Variants in KCNQ1 observed in about 807,000 individuals in gnomAD.
KCNQ1 encodes potassium voltage-gated channel subfamily KQT member 1.
Under a neutral mutation model 72.4 loss-of-function variants are expected in KCNQ1, and 49 were observed. The ratio of observed to expected loss-of-function variants is 0.68; its 90% CI spans 0.54 to 0.86. The LOEUF is 0.86. KCNQ1 is among the 40% of genes least tolerant of loss of function. The pLI, the probability that KCNQ1 is intolerant of heterozygous loss-of-function variation, is 0.00. For synonymous variants in KCNQ1, 450 were observed against 412.6 expected, an observed-to-expected ratio of 1.09 and a Z score of -1.10; for missense variants, 790 against 945.1, an observed-to-expected ratio of 0.84 and a Z score of 2.15.
rs1846501474 is a variant in KCNQ1, at chr11:2,766,571, A to G, written c.1515-2273A>G. On this transcript the variant is annotated intron_variant, in intron 11 of 15. Transcript: ENST00000155840. The surrounding 1 kb of genome is among the most constrained non-coding windows in gnomAD (Gnocchi z 4.4). ...ACTCTAGCCTGCAATGGGAGGAACCACAATGGATTGTGCCCATCTTTAATT... is the reference window on the plus strand; with the variant it reads ...ACTCTAGCCTGCAATGGGAGGAACCGCAATGGATTGTGCCCATCTTTAATT... Among the ~76,000 whole-genome samples, 1 of 152,202 alleles carries G rather than the reference A, an allele frequency of 6.6e-6. No individual in the cohort carries two copies. The highest frequency in any genetic ancestry group is 2.1e-4 in the South Asian group (1 of 4,830).
intron 1 of KCNQ1, among the ~76,000 whole-genome samples, chr11:2,469,035 C>T (rs370786179): frequency 3.9e-5 from 6 of 152,154 alleles, no homozygotes; most frequent in Non-Finnish European, 5.9e-5. Flanking sequence ...CCAGCAGCTC[C>T]GTGCGACAGC....
At chr11:2,814,280 GGGATGGAT>G (rs375570048) in intron 15 of KCNQ1, among the ~76,000 whole-genome samples, 71 of 138,344 alleles carry the variant, frequency 5.1e-4, no homozygotes, top group African/African-American at 1.7e-3. Context: ...GATGGATGGT[GGGATGGAT>G]GGATGGATGG....
chr11:2,459,178 G>A (rs549326544), intron 1 of KCNQ1, among the ~76,000 whole-genome samples: 59 of 152,308 alleles, frequency 3.9e-4, no homozygotes, highest in Non-Finnish European at 6.3e-4. Context: ...AACGAGAGAC[G>A]GACTTCCTTG....
Position 2,745,805 on chromosome 11 carries a change from G to A in KCNQ1, c.1515-23039G>A, listed in dbSNP as rs1005632518. Among the ~76,000 whole-genome samples, 2 of 152,242 alleles carry A rather than the reference G, an allele frequency of 1.3e-5. No homozygotes were observed. ...AGGGCCGCCTTCAGGCCTGAGCCCG[G>A]GGCCAGGACCAGGAGCAGGCGGCAG... On this transcript the variant is annotated intron_variant, in intron 11 of 15. Transcript: ENST00000155840. The surrounding 1 kb of genome is among the most constrained non-coding windows in gnomAD (Gnocchi z 6.2).
intron 1 of KCNQ1, among the ~76,000 whole-genome samples, chr11:2,505,900 A>G (rs1053887662): frequency 1.3e-5 from 2 of 152,204 alleles, no homozygotes; most frequent in African/African-American, 4.8e-5. Flanking sequence ...TCTAGTAGAC[A>G]GCATGTAGCT....
intron 11 of KCNQ1, among the ~76,000 whole-genome samples, chr11:2,701,171 C>T (rs974544812): frequency 1.3e-5 from 2 of 152,222 alleles, no homozygotes; most frequent in African/African-American, 2.4e-5. Context: ...CGAAAATATA[C>T]GTCTACGGGA....
Position 2,593,339 on chromosome 11 carries a change from A to G in KCNQ1, c.1393+4485A>G, listed in dbSNP as rs1848694048. On this transcript the variant is annotated intron_variant, in intron 10 of 15. Transcript: ENST00000155840. The surrounding 1 kb of genome is among the most constrained non-coding windows in gnomAD (Gnocchi z 6.9). ...GCTGCTCAGAGAACACTGGGCTGGA[A>G]GGTCGTGGTCTGTGACGTAGGATCG... is the stretch of plus-strand genomic sequence containing the variant. Among the ~76,000 whole-genome samples, 2 of 151,538 alleles carry G rather than the reference A, an allele frequency of 1.3e-5. No individual in the cohort carries two copies. The highest frequency in any genetic ancestry group is 4.8e-5 in the African/African-American group (2 of 41,306).
chr11:2,575,316 C>T (rs575160829), intron 6 of KCNQ1, among the ~76,000 whole-genome samples: 23 of 152,254 alleles, frequency 1.5e-4, no homozygotes, highest in African/African-American at 4.8e-4. Context: ...CCATCGCGCG[C>T]CCTGGCCTGG....
intron 1 of KCNQ1, among the ~76,000 whole-genome samples, chr11:2,453,789 G>A (rs1252701715): frequency 3.9e-5 from 6 of 152,224 alleles, no homozygotes; most frequent in East Asian, 1.9e-4. Flanking sequence ...GAGAAGCTGC[G>A]TGTGCAGGGC....
At chr11:2,633,457 C>G (rs1849397746) in intron 10 of KCNQ1, 1 of 398,560 alleles carries the variant, frequency 2.5e-6, no homozygotes, top group Non-Finnish European at 4.4e-6. Context: ...GACCCATATC[C>G]TGAAGGGTTT....
At chr11:2,697,821 A>G (rs972151836) in intron 11 of KCNQ1, 1 of 398,498 alleles carries the variant, frequency 2.5e-6, no homozygotes, top group South Asian at 1.3e-4. Flanking sequence ...AATTCTTTAT[A>G]GTTTTCTTGT....
rs1589988099 is a variant in KCNQ1 at position 2,624,013 on chromosome 11, T to C, written c.1393+35159T>C. The C allele has an allele frequency of 1.3e-5, 5 of 399,094 alleles. No individual in the cohort carries two copies. The South Asian group carries it at 6.3e-4, about 51-fold the overall frequency. The allele number at this position is 399,094 out of a possible 1,614,324, so 24.7% of individuals were successfully genotyped here. A position where few individuals can be genotyped will look rare whatever the true frequency, so the allele number is the denominator to read the frequency against. ...TTAATGGTATATGTCAAAGTGGCTGTACCATTTTGCATTCCCACCAGCAAT... is the reference window on the plus strand; with the variant it reads ...TTAATGGTATATGTCAAAGTGGCTGCACCATTTTGCATTCCCACCAGCAAT... On this transcript the variant is annotated intron_variant, in intron 10 of 15. Transcript: ENST00000155840. This position sits in a 1 kb window ranked among gnomAD's most constrained non-coding sequence, Gnocchi z 4.9.
intron 15 of KCNQ1, among the ~76,000 whole-genome samples, chr11:2,807,381 G>C (rs879571554): frequency 6.6e-6 from 1 of 152,160 alleles, no homozygotes; most frequent in African/African-American, 2.4e-5. Flanking sequence ...ACCAGATAAG[G>C]CCGGGAGGGG....
rs1849117690 is a variant in KCNQ1 at position 2,618,965 on chromosome 11, T to C, written c.1393+30111T>C. On this transcript the variant is annotated intron_variant, in intron 10 of 15. Transcript: ENST00000155840. ...TAAATGGGATTGTTTTCTTGATTTCTTTTTTGGCCAGGTCATTATTTGTGT... is the reference window on the plus strand; with the variant it reads ...TAAATGGGATTGTTTTCTTGATTTCCTTTTTGGCCAGGTCATTATTTGTGT... 1.5e-5 allele frequency: 6 copies of C among 398,376 alleles called. No homozygotes were observed. In the East Asian group the frequency reaches 2.1e-4, roughly 14 times the overall value. 24.7% of individuals were successfully genotyped at this position (398,376 alleles called of 1,614,324 possible). A position where few individuals can be genotyped will look rare whatever the true frequency, so the allele number is the denominator to read the frequency against.
Position 2,567,686 on chromosome 11 carries a change from C to T in KCNQ1, c.478-2942C>T, listed in dbSNP as rs1848266672. Among the ~76,000 whole-genome samples the T allele has an allele frequency of 2.6e-5, 4 of 152,224 alleles. No individual in the cohort carries two copies. The South Asian group carries it at 8.3e-4, about 32-fold the overall frequency. ...ACCTGACAAGCGGGGCCTCCCCAGC[C>T]ATGCAGCCTTGCACTGCCTTCCCAC... On this transcript the variant is annotated intron_variant, in intron 2 of 15. Transcript: ENST00000155840. The surrounding 1 kb of genome is among the most constrained non-coding windows in gnomAD (Gnocchi z 6.6).
At chr11:2,521,398 C>T in intron 1 of KCNQ1, 1 of 423,508 alleles carries the variant, frequency 2.4e-6, no homozygotes, top group Non-Finnish European at 5.0e-6. Context: ...CAAGGTGCCT[C>T]TCTGCTCATG....
Position 2,543,149 on chromosome 11 carries a change from C to T in KCNQ1, c.477+15131C>T, listed in dbSNP as rs922957501. Among the ~76,000 whole-genome samples the T allele has an allele frequency of 6.6e-6, 1 of 152,190 alleles. No individual in the cohort carries two copies. The highest frequency in any genetic ancestry group is 2.1e-4 in the South Asian group (1 of 4,822). ...GTGACATATCTTTTTAAATGTTTCA[C>T]CCATTGTAAAATTGGGCTGTTTGTC... is the stretch of plus-strand genomic sequence containing the variant. On this transcript the variant is annotated intron_variant, in intron 2 of 15. Coordinates refer to ENST00000155840, the MANE Select transcript of KCNQ1 (RefSeq NM_000218.3). The surrounding 1 kb of genome is among the most constrained non-coding windows in gnomAD (Gnocchi z 5.6).
chr11:2,492,074 C>CT lies in KCNQ1; in HGVS notation c.387-35853dup, dbSNP rs1846844743. On this transcript the variant is annotated intron_variant, in intron 1 of 15. Coordinates refer to ENST00000155840, the MANE Select transcript of KCNQ1 (RefSeq NM_000218.3). The surrounding 1 kb of genome is among the most constrained non-coding windows in gnomAD (Gnocchi z 4.1). ...CACCAGAGCTGTCTTACAAGAAATGCTAAAGGGAATTCTTCAATCTGAAAG... is the reference window on the plus strand; with the variant it reads ...CACCAGAGCTGTCTTACAAGAAATGCTTAAAGGGAATTCTTCAATCTGAAAG... Among the ~76,000 whole-genome samples, 1 of 152,090 alleles carries CT rather than the reference C, an allele frequency of 6.6e-6. No individual in the cohort carries two copies.
At chr11:2,756,961 A>AC (rs1206145386) in intron 11 of KCNQ1, among the ~76,000 whole-genome samples, 2 of 105,908 alleles carry the variant, frequency 1.9e-5, no homozygotes, top group African/African-American at 7.3e-5. Flanking sequence ...TAAAAAAAAA[A>AC]AAAAAAAAAA....
Sources: gnomAD v4.1 joint callset for allele counts (sites outside exome capture counted in the v4.1 genomes callset) on GRCh38, gnomAD v4.1.1 for gene constraint, Gnocchi (gnomAD v3.1) non-coding constraint, MANE v1.5 for transcripts, NCBI Gene and HGNC (gene_info 2026-07-23, HGNC 2026-07-21) for gene names.